PIGL: variants seen among roughly 807,000 people sequenced by gnomAD.
PIGL encodes phosphatidylinositol glycan anchor biosynthesis class L.
Under a neutral mutation model 31.1 loss-of-function variants are expected in PIGL, and 22 were observed. The ratio of observed to expected loss-of-function variants is 0.71; its 90% CI spans 0.51 to 1.01. The LOEUF (loss-of-function observed/expected upper bound fraction) is 1.01, where lower values mean the gene tolerates loss of function less well. Among genes scored for constraint, PIGL ranks in the 50% least tolerant of loss-of-function variants. The pLI, the probability that PIGL is intolerant of heterozygous loss-of-function variation, is 0.00. For missense variants in PIGL, 302 were observed against 315.9 expected (o/e 0.96, Z 0.33); for synonymous variants, 131 against 117.4 (o/e 1.12, Z -0.75).
chr17:16,285,358 A>C (rs1340332371), intron 2 of PIGL, among the ~76,000 whole-genome samples: 2 of 152,148 alleles, frequency 1.3e-5, no homozygotes, highest in East Asian at 3.9e-4. Flanking sequence ...AGGCCAAGGC[A>C]GGTGGATCAC....
chr17:16,299,187 G>A (rs752291887), intron 2 of PIGL, among the ~76,000 whole-genome samples: 30 of 151,686 alleles, frequency 2.0e-4, no homozygotes, highest in Non-Finnish European at 3.1e-4. Context: ...CAGCCTAGGC[G>A]ACAGAGCAGT....
intron 1 of PIGL, among the ~76,000 whole-genome samples, chr17:16,228,756 C>T (rs2092665253): frequency 6.6e-6 from 1 of 152,172 alleles, no homozygotes; most frequent in South Asian, 2.1e-4. Context: ...TAACCATCAC[C>T]ACTATTTCAT....
chr17:16,259,358 C>CA (rs34416574), intron 2 of PIGL, among the ~76,000 whole-genome samples: 82,505 of 151,150 alleles, frequency 0.55, 23,291 homozygotes, highest in African/African-American at 0.67. Flanking sequence ...CAAGACAATT[C>CA]ATGGGGAAAG....
At chr17:16,284,697 A>G (rs1211731837) in intron 2 of PIGL, among the ~76,000 whole-genome samples, 1 of 152,034 alleles carries the variant, frequency 6.6e-6, no homozygotes, top group South Asian at 2.1e-4. Flanking sequence ...CTATGATTTC[A>G]TCTCCTACTT....
intron 6 of PIGL, among the ~76,000 whole-genome samples, chr17:16,323,753 C>T (rs1016116142): frequency 1.3e-5 from 2 of 150,168 alleles, no homozygotes; most frequent in African/African-American, 4.9e-5. Flanking sequence ...GCTGGGATTA[C>T]AGACAGGCCG....
chr17:16,217,449 T>A lies in PIGL; in HGVS notation c.223T>A (p.Cys75Ser). ...ARLRHWVYLLCFSAGNYYNQG... is the reference protein window; with the variant it reads ...ARLRHWVYLLSFSAGNYYNQG... ...CCTAAGGCACTGGGTGTACCTGCTT[T>A]GCTTCTCTGCAGGTAGGAGGCCATA... Residue 75 changes from cysteine (C) to serine (S), a missense_variant, in exon 1 of 7, where the codon TGC becomes AGC. By Grantham distance (112) the Cys-to-Ser change is moderately radical. Coordinates refer to ENST00000225609, the MANE Select transcript of PIGL (RefSeq NM_004278.4). 1 of 1,613,210 alleles carries A rather than the reference T, an allele frequency of 6.2e-7. No homozygotes were observed. Among genetic ancestry groups the A allele is most frequent in the Non-Finnish European group, 8.5e-7 (1 of 1,179,140 alleles).
chr17:16,325,905 G>A lies in PIGL; in HGVS notation c.*7G>A. On this transcript the variant is annotated 3_prime_UTR_variant, in exon 7 of 7. Transcript: ENST00000225609. ...CTCACTGAGCTTCCTCTGAAGCCTT[G>A]AAGGGTTTTCAGATCCAAGGAACAA... 1 of 1,600,112 alleles carries A rather than the reference G, an allele frequency of 6.2e-7. No individual in the cohort carries two copies. The highest frequency in any genetic ancestry group is 2.2e-5 in the East Asian group (1 of 44,778).
intron 4 of PIGL, among the ~76,000 whole-genome samples, chr17:16,316,480 G>T (rs2093077472): frequency 6.6e-6 from 1 of 152,128 alleles, no homozygotes; most frequent in Non-Finnish European, 1.5e-5. Context: ...CCCTAGCTCA[G>T]GTGCCCATCC....
intron 4 of PIGL, among the ~76,000 whole-genome samples, 173 bp downstream of exon 4, chr17:16,313,787 C>G (rs1041976985): frequency 6.6e-6 from 1 of 152,210 alleles, no homozygotes; most frequent in Non-Finnish European, 1.5e-5. Flanking sequence ...CATGTCCTCT[C>G]GCTGAGAAAT....
intron 2 of PIGL, among the ~76,000 whole-genome samples, chr17:16,286,835 G>A (rs535430909): frequency 6.6e-6 from 1 of 152,224 alleles, no homozygotes; most frequent in Non-Finnish European, 1.5e-5. Context: ...AATAGCCACT[G>A]ACTGATGGTA....
intron 2 of PIGL, among the ~76,000 whole-genome samples, chr17:16,298,449 TATC>T (rs1386322426): frequency 6.6e-6 from 1 of 152,158 alleles, no homozygotes; most frequent in African/African-American, 2.4e-5. Context: ...CTTAGTCTCA[TATC>T]AGGTGACACC....
intron 2 of PIGL, among the ~76,000 whole-genome samples, chr17:16,262,618 C>T (rs563231615): frequency 6.6e-6 from 1 of 152,150 alleles, no homozygotes; most frequent in African/African-American, 2.4e-5. Context: ...TAGTTCAAGA[C>T]CAGCCTCAGC....
chr17:16,319,335 A>G (rs1333647547), intron 6 of PIGL, among the ~76,000 whole-genome samples: 1 of 152,046 alleles, frequency 6.6e-6, no homozygotes, highest in Non-Finnish European at 1.5e-5. Context: ...TGTATATACC[A>G]TAAGATATAT....
At chr17:16,323,609 CTTTTT>C (rs34518917) in intron 6 of PIGL, among the ~76,000 whole-genome samples, 2 of 96,822 alleles carry the variant, frequency 2.1e-5, no homozygotes, top group African/African-American at 4.1e-5. Context: ...TAACACTGAT[CTTTTT>C]TTTTTTTTTT....
At chr17:16,227,014 A>G (rs1343358335) in intron 1 of PIGL, among the ~76,000 whole-genome samples, 2 of 152,196 alleles carry the variant, frequency 1.3e-5, no homozygotes, top group African/African-American at 4.8e-5. Context: ...TCACATGTTC[A>G]GGTATTCATC....
At chr17:16,274,552 G>A (rs183922224) in intron 2 of PIGL, among the ~76,000 whole-genome samples, 49 of 151,892 alleles carry the variant, frequency 3.2e-4, no homozygotes, top group African/African-American at 8.9e-4. Flanking sequence ...GTGAAACCTC[G>A]TCTCTACTAA....
chr17:16,308,517 A>C (rs1163995738), intron 3 of PIGL, among the ~76,000 whole-genome samples: 13 of 152,126 alleles, frequency 8.5e-5, no homozygotes, highest in African/African-American at 3.1e-4. Flanking sequence ...TGGGAATACA[A>C]CAGTGAGCCA....
chr17:16,313,320 A>G (rs375663651), intron 3 of PIGL, among the ~76,000 whole-genome samples: 134 of 152,352 alleles, frequency 8.8e-4, no homozygotes, highest in African/African-American at 3.1e-3. Context: ...ACTCTGCTCC[A>G]CTGGCTAGGA....
intron 1 of PIGL, among the ~76,000 whole-genome samples, chr17:16,229,886 G>A (rs536369566): frequency 1.2e-4 from 12 of 100,160 alleles, no homozygotes; most frequent in East Asian, 6.5e-4. Flanking sequence ...TTTTTGAGAC[G>A]GAGTCTCGCT....
Sources: allele counts gnomAD v4.1 joint callset (sites outside exome capture counted in the v4.1 genomes callset), GRCh38; gene constraint gnomAD v4.1.1; transcripts MANE v1.5; gene names NCBI Gene and HGNC (gene_info 2026-07-23, HGNC 2026-07-21).